The following RSU1 variants were observed in gnomAD, a reference collection of about 807,000 sequenced individuals.
RSU1 encodes Ras suppressor protein 1, also known as rsu-1.
RSU1 carries 26 observed loss-of-function variants against 31.1 expected under a neutral mutation model. The observed-to-expected ratio is 0.84, with a 90% CI of 0.61 to 1.16. The LOEUF is 1.16. RSU1 is among the 50% of genes most tolerant of loss of function. RSU1 has a pLI of 0.00. For missense variants in RSU1, 320 were observed against 339.1 expected, an observed-to-expected ratio of 0.94 and a Z score of 0.44; for synonymous variants, 164 against 136.3, an observed-to-expected ratio of 1.20 and a Z score of -1.41.
chr10:16,623,132 T>A (rs139199771), intron 8 of RSU1, among the ~76,000 whole-genome samples: 3 of 152,190 alleles, frequency 2.0e-5, no homozygotes, highest in Non-Finnish European at 4.4e-5. Flanking sequence ...AATGAACCCA[T>A]TGACCATGTA....
intron 2 of RSU1, among the ~76,000 whole-genome samples, chr10:16,812,401 C>G (rs1293723982): frequency 2.0e-5 from 3 of 152,068 alleles, no homozygotes; most frequent in Non-Finnish European, 4.4e-5. Flanking sequence ...GAGATCACGC[C>G]ACTGCACTCC....
intron 2 of RSU1, among the ~76,000 whole-genome samples, chr10:16,783,643 C>T (rs1054680407): frequency 5.4e-5 from 8 of 149,412 alleles, no homozygotes; most frequent in Admixed American, 4.0e-4. Flanking sequence ...CGTGGGCCAC[C>T]GAGTCCGGCC....
At chr10:16,787,820 G>C (rs1003735496) in intron 2 of RSU1, among the ~76,000 whole-genome samples, 1 of 152,138 alleles carries the variant, frequency 6.6e-6, no homozygotes, top group Non-Finnish European at 1.5e-5. Context: ...CACAGTCTTG[G>C]TATGTCTTTA....
At chr10:16,727,070 T>C (rs1164724942) in intron 7 of RSU1, 1 of 456,550 alleles carries the variant, frequency 2.2e-6, no homozygotes, top group East Asian at 6.9e-5. Flanking sequence ...AACTAATTAA[T>C]GTGCATTCCT....
At chr10:16,701,105 G>A (rs774402336) in intron 7 of RSU1, among the ~76,000 whole-genome samples, 1 of 152,132 alleles carries the variant, frequency 6.6e-6, no homozygotes, top group South Asian at 2.1e-4. Context: ...CAGAGCAAAG[G>A]ATAAACATTA....
intron 7 of RSU1, among the ~76,000 whole-genome samples, chr10:16,713,129 T>C (rs1032934065): frequency 2.0e-5 from 3 of 152,242 alleles, no homozygotes; most frequent in African/African-American, 7.2e-5. Context: ...TGTTTTCTTG[T>C]GGCTTTTAAA....
chr10:16,659,220 T>G (rs1326277981), intron 8 of RSU1, among the ~76,000 whole-genome samples: 2 of 152,090 alleles, frequency 1.3e-5, no homozygotes, highest in Non-Finnish European at 2.9e-5. Context: ...TTAATGTAGT[T>G]GAATTTATTA....
intron 2 of RSU1, among the ~76,000 whole-genome samples, chr10:16,789,206 G>T (rs879512367): frequency 2.0e-5 from 3 of 152,260 alleles, no homozygotes; most frequent in East Asian, 1.9e-4. Context: ...TAAAAGTTGT[G>T]TTTTCTTTTC....
At chr10:16,609,749 A>C (rs1286140768) in intron 8 of RSU1, among the ~76,000 whole-genome samples, 2 of 152,224 alleles carry the variant, frequency 1.3e-5, no homozygotes, top group East Asian at 3.8e-4. Context: ...TCCATCCAAC[A>C]TATCTCCCCA....
At chr10:16,594,258 C>A (rs1034306427) in intron 8 of RSU1, among the ~76,000 whole-genome samples, 2 of 152,122 alleles carry the variant, frequency 1.3e-5, no homozygotes, top group Non-Finnish European at 2.9e-5. Context: ...AAGGGCATAC[C>A]CGGCTCCACA....
At chr10:16,738,314 G>A (rs568340627) in intron 7 of RSU1, among the ~76,000 whole-genome samples, 44 of 152,166 alleles carry the variant, frequency 2.9e-4, no homozygotes, top group East Asian at 1.4e-3. Flanking sequence ...AGCTGGGCCC[G>A]GTGGCAGCCA....
At chr10:16,744,218 A>G (rs931329062) in intron 7 of RSU1, among the ~76,000 whole-genome samples, 5 of 152,260 alleles carry the variant, frequency 3.3e-5, no homozygotes, top group African/African-American at 1.2e-4. Flanking sequence ...TTTTTCTATA[A>G]TGCTTTTAAT....
intron 2 of RSU1, among the ~76,000 whole-genome samples, chr10:16,802,437 C>A (rs1168707936): frequency 1.3e-5 from 2 of 152,000 alleles, no homozygotes; most frequent in Non-Finnish European, 2.9e-5. Context: ...AAATTAATAA[C>A]CTTCTAAAAG....
In RSU1 at chr10:16,652,771, C is replaced by T. The variant is rs116085358; in HGVS notation, c.731+42252G>A. On this transcript the variant is annotated intron_variant, in intron 8 of 8. Coordinates refer to ENST00000345264, the MANE Select transcript of RSU1 (RefSeq NM_012425.4). ...GATCACGGCTCACTGCAGCCTCAAC[C>T]TCCAGGGCTGAAATGATCCTCCCAT... 3.4e-3 allele frequency among the ~76,000 whole-genome samples: 513 copies of T among 152,250 alleles called. 6 individuals carry two copies. Among genetic ancestry groups the T allele is most frequent in the African/African-American group, 0.012 (488 of 41,546 alleles).
chr10:16,706,656 A>C (rs75248756), intron 7 of RSU1, among the ~76,000 whole-genome samples: 1,851 of 152,294 alleles, frequency 0.012, 50 homozygotes, highest in African/African-American at 0.042. Context: ...TTTGATACCT[A>C]TCTATGCTAT....
At chr10:16,621,688 C>T (rs1261386247) in intron 8 of RSU1, among the ~76,000 whole-genome samples, 3 of 152,042 alleles carry the variant, frequency 2.0e-5, no homozygotes, top group Non-Finnish European at 2.9e-5. Context: ...GCTGGGGAAC[C>T]CCTCTTTATA....
intron 7 of RSU1, among the ~76,000 whole-genome samples, chr10:16,716,797 T>C (rs1055880083): frequency 6.6e-6 from 1 of 152,316 alleles, no homozygotes; most frequent in African/African-American, 2.4e-5. Flanking sequence ...TTCTAAAATA[T>C]GTAATAGGAG....
rs1212696545 is a variant in RSU1 at position 16,591,777 on chromosome 10, T to TTAAG, written c.*1613_*1616dup. 4 of 152,222 alleles carry TTAAG rather than the reference T, an allele frequency of 2.6e-5. No individual in the cohort carries two copies. The highest frequency in any genetic ancestry group is 4.4e-5 in the Non-Finnish European group (3 of 68,040). 9.4% of individuals were successfully genotyped at this position (152,222 alleles called of 1,614,324 possible). Reference sequence around the variant, plus strand: ...GCTTTCTTGCTGGTTTAATTTTAGGTTAAGTCTTTCCTATCCACAACAGCA... The same window carrying TTAAG: ...GCTTTCTTGCTGGTTTAATTTTAGGTTAAGTAAGTCTTTCCTATCCACAACAGCA... On this transcript the variant is annotated 3_prime_UTR_variant, in exon 9 of 9. Transcript: ENST00000345264.
chr10:16,736,688 G>C lies in RSU1; in HGVS notation c.598+15851C>G, dbSNP rs74423900. Reference sequence around the variant, plus strand: ...AGACATTCAGAGTAAGAGGAAAAAAGTGGCTTACAAACAAAAGAAAAATCC... The same window carrying C: ...AGACATTCAGAGTAAGAGGAAAAAACTGGCTTACAAACAAAAGAAAAATCC... On this transcript the variant is annotated intron_variant, in intron 7 of 8. Coordinates refer to ENST00000345264, the MANE Select transcript of RSU1 (RefSeq NM_012425.4). Among the ~76,000 whole-genome samples the C allele has an allele frequency of 6.9e-3, 1,051 of 152,080 alleles. 11 individuals carry two copies. Among genetic ancestry groups the C allele is most frequent in the African/African-American group, 0.024 (996 of 41,474 alleles).
Sources: gnomAD v4.1 joint callset for allele counts (sites outside exome capture counted in the v4.1 genomes callset) on GRCh38, gnomAD v4.1.1 for gene constraint, MANE v1.5 for transcripts, NCBI Gene and HGNC (gene_info 2026-07-23, HGNC 2026-07-21) for gene names.